Variants in PDGFC observed in about 807,000 individuals in gnomAD.
The protein encoded by PDGFC is platelet-derived growth factor C.
PDGFC carries 12 observed loss-of-function variants against 35.5 expected under a neutral mutation model. The ratio of observed to expected loss-of-function variants is 0.34; its 90% CI spans 0.22 to 0.55. The LOEUF (loss-of-function observed/expected upper bound fraction) is 0.55. PDGFC is among the 20% of genes least tolerant of loss of function. The pLI, the probability that PDGFC is intolerant of heterozygous loss-of-function variation, is 0.91. For missense variants in PDGFC, 322 were observed against 412.4 expected, an observed-to-expected ratio of 0.78 and a Z score of 1.90; for synonymous variants, 159 against 148.8, an observed-to-expected ratio of 1.07 and a Z score of -0.50.
At chr4:156,837,095 T>C (rs1395073416) in intron 2 of PDGFC, among the ~76,000 whole-genome samples, 3 of 152,222 alleles carry the variant, frequency 2.0e-5, no homozygotes, top group Non-Finnish European at 4.4e-5. Flanking sequence ...AATATGATAT[T>C]AATATTTCAA....
At chr4:156,955,198 T>A (rs1732178522) in intron 1 of PDGFC, among the ~76,000 whole-genome samples, 1 of 151,972 alleles carries the variant, frequency 6.6e-6, no homozygotes, top group South Asian at 2.1e-4. Context: ...TTCCCTTCCA[T>A]TCCACACCCC....
chr4:156,940,999 A>G (rs1357014868), intron 1 of PDGFC, among the ~76,000 whole-genome samples: 4 of 152,192 alleles, frequency 2.6e-5, no homozygotes, highest in African/African-American at 9.6e-5. Flanking sequence ...TCTAACGTCA[A>G]TGTGGTAACT....
intron 1 of PDGFC, among the ~76,000 whole-genome samples, chr4:156,878,540 A>C (rs1321308048): frequency 6.6e-6 from 1 of 152,190 alleles, no homozygotes; most frequent in African/African-American, 2.4e-5. Flanking sequence ...CCTTATCCAA[A>C]ATGGTTGTGA....
Position 156,822,050 on chromosome 4 carries a change from C to T in PDGFC, c.315-11033G>A, listed in dbSNP as rs906140129. Among the ~76,000 whole-genome samples, 4 of 151,916 alleles carry T rather than the reference C, an allele frequency of 2.6e-5. No homozygotes were observed. In the East Asian group the frequency reaches 7.7e-4, roughly 29 times the overall value. ...TCTTTAAGACAGAGAAAAACAAAACCTGAATATCAGGGATAAAAATGTCTT... is the reference window on the plus strand; with the variant it reads ...TCTTTAAGACAGAGAAAAACAAAACTTGAATATCAGGGATAAAAATGTCTT... On this transcript the variant is annotated intron_variant, in intron 2 of 5. Coordinates refer to ENST00000502773, the MANE Select transcript of PDGFC (RefSeq NM_016205.3).
At chr4:156,955,852 A>C (rs2110955010) in intron 1 of PDGFC, among the ~76,000 whole-genome samples, 1 of 152,134 alleles carries the variant, frequency 6.6e-6, no homozygotes, top group Middle Eastern at 3.4e-3. Flanking sequence ...CACCAAAAGT[A>C]GTTCATTTTT....
intron 2 of PDGFC, among the ~76,000 whole-genome samples, chr4:156,847,858 T>C (rs1233451594): frequency 6.6e-6 from 1 of 151,648 alleles, no homozygotes; most frequent in East Asian, 1.9e-4. Flanking sequence ...GACAGTGTCA[T>C]TCATTTAAGA....
intron 2 of PDGFC, among the ~76,000 whole-genome samples, chr4:156,826,052 A>G (rs1021813950): frequency 2.6e-5 from 4 of 150,978 alleles, no homozygotes. Context: ...AAATTTTTTT[A>G]GAGAAGGGGT....
intron 1 of PDGFC, among the ~76,000 whole-genome samples, chr4:156,913,531 C>G (rs1731089801): frequency 6.6e-6 from 1 of 152,182 alleles, no homozygotes; most frequent in Non-Finnish European, 1.5e-5. Flanking sequence ...TCTTTCAAAA[C>G]AACTTGTGCA....
chr4:156,903,712 A>C (rs116011502), intron 1 of PDGFC, among the ~76,000 whole-genome samples: 2,444 of 152,276 alleles, frequency 0.016, 74 homozygotes, highest in African/African-American at 0.054. Flanking sequence ...AAATAAATCC[A>C]AGTGTGCAAT....
Position 156,850,061 on chromosome 4 carries a change from G to T in PDGFC, c.314+160C>A, listed in dbSNP as rs188127842. Among the ~76,000 whole-genome samples, 582 of 152,042 alleles carry T rather than the reference G, an allele frequency of 3.8e-3. 3 individuals are homozygous for T. The highest frequency in any genetic ancestry group is 0.013 in the African/African-American group (555 of 41,520). ...AATGTGTCTTCCGATTTTAAATGAAGACTTCAAATAAAACATAGCTTCAAT... is the reference window on the plus strand; with the variant it reads ...AATGTGTCTTCCGATTTTAAATGAATACTTCAAATAAAACATAGCTTCAAT... On this transcript the variant is annotated intron_variant, in intron 2 of 5. Transcript: ENST00000502773.
chr4:156,873,816 T>C (rs774814565), intron 1 of PDGFC: 1 of 152,226 alleles, frequency 6.6e-6, no homozygotes, highest in Non-Finnish European at 1.5e-5. Context: ...AAGAATTGAA[T>C]TGACAGGTCC....
chr4:156,956,191 A>G (rs1032062227), intron 1 of PDGFC, among the ~76,000 whole-genome samples: 3 of 152,172 alleles, frequency 2.0e-5, no homozygotes, highest in African/African-American at 7.2e-5. Flanking sequence ...AGAGCAATAC[A>G]TGGAGTTAGG....
At chr4:156,842,765 T>C (rs1485604325) in intron 2 of PDGFC, among the ~76,000 whole-genome samples, 1 of 152,184 alleles carries the variant, frequency 6.6e-6, no homozygotes, top group Non-Finnish European at 1.5e-5. Flanking sequence ...AGTCTAACAC[T>C]ATTTGTAGTT....
intron 1 of PDGFC, among the ~76,000 whole-genome samples, chr4:156,874,544 G>A (rs758227372): frequency 2.6e-4 from 39 of 151,844 alleles, no homozygotes; most frequent in Non-Finnish European, 4.9e-4. Context: ...AAATAACAAA[G>A]TCAATGAAAT....
chr4:156,879,532 G>T (rs1730193192), intron 1 of PDGFC, among the ~76,000 whole-genome samples: 1 of 152,088 alleles, frequency 6.6e-6, no homozygotes, highest in Non-Finnish European at 1.5e-5. Context: ...AAGCAACTGG[G>T]TTTTACTAAC....
intron 1 of PDGFC, among the ~76,000 whole-genome samples, chr4:156,940,413 A>G (rs1731778319): frequency 6.6e-6 from 1 of 152,188 alleles, no homozygotes; most frequent in African/African-American, 2.4e-5. Flanking sequence ...TACTCAATAA[A>G]TGTTTAATAA....
intron 1 of PDGFC, among the ~76,000 whole-genome samples, chr4:156,918,536 G>T (rs910734281): frequency 6.6e-6 from 1 of 152,216 alleles, no homozygotes; most frequent in Non-Finnish European, 1.5e-5. Flanking sequence ...CAGCAGGCCA[G>T]TGAGCATTAC....
chr4:156,790,317 CTG>C (rs1356193432), intron 3 of PDGFC, among the ~76,000 whole-genome samples: 15 of 152,198 alleles, frequency 9.9e-5, no homozygotes, highest in Middle Eastern at 3.4e-3. Flanking sequence ...AGATAAGGAC[CTG>C]TGAGAGGAAG....
intron 3 of PDGFC, among the ~76,000 whole-genome samples, chr4:156,793,453 T>C (rs1283958174): frequency 6.6e-6 from 1 of 150,556 alleles, no homozygotes; most frequent in East Asian, 1.9e-4. Context: ...TTTAGTGCAT[T>C]GTGACCAGCA....
Sources: allele counts gnomAD v4.1 joint callset (sites outside exome capture counted in the v4.1 genomes callset), GRCh38; gene constraint gnomAD v4.1.1; transcripts MANE v1.5; gene names NCBI Gene and HGNC (gene_info 2026-07-23, HGNC 2026-07-21).